The following KBTBD7 variants were observed in gnomAD, a reference collection of about 807,000 sequenced individuals.
The protein encoded by KBTBD7 is kelch repeat and BTB domain-containing protein 7.
Under a neutral mutation model 50.3 loss-of-function variants are expected in KBTBD7, and 25 were observed. That is an observed-to-expected ratio of 0.50 (90% CI 0.36 to 0.69). KBTBD7 has a LOEUF of 0.69. Ranked by LOEUF, KBTBD7 falls within the 30% of genes least tolerant of loss-of-function variation. KBTBD7 has a pLI of 0.00. For synonymous variants in KBTBD7, 305 were observed against 325.3 expected, an observed-to-expected ratio of 0.94 and a Z score of 0.67; for missense variants, 653 against 869.5, an observed-to-expected ratio of 0.75 and a Z score of 3.13.
chr13:41,192,099 C>G lies in KBTBD7; in HGVS notation c.*104G>C. On this transcript the variant is annotated 3_prime_UTR_variant, in exon 1 of 1. Transcript: ENST00000379483. ...TTTCAAAATATTACCCTTTCTAAAC[C>G]AAATCTGTGGTCCTAATCAACTTTT... 3 of 1,160,852 alleles carry G rather than the reference C, an allele frequency of 2.6e-6. No homozygotes were observed. Among genetic ancestry groups the G allele is most frequent in the Non-Finnish European group, 3.7e-6 (3 of 811,620 alleles). The allele number at this position is 1,160,852 out of a possible 1,614,324, so 71.9% of individuals were successfully genotyped here. A position where few individuals can be genotyped will look rare whatever the true frequency, so the allele number is the denominator to read the frequency against.
chr13:41,193,983 G>A lies in KBTBD7; in HGVS notation c.275C>T (p.Ala92Val). 1.9e-6 allele frequency: 3 copies of A among 1,614,128 alleles called. No homozygotes were observed. Among genetic ancestry groups the A allele is most frequent in the South Asian group, 2.2e-5 (2 of 91,086 alleles). ...GAACATGCTCTTGAAGTAGGGACAC[G>A]CAGCTGCTAGCACGTTGCGATTGCA... Reference protein sequence around the residue: ...FSCNRNVLAAACPYFKSMFTG... With the variant: ...FSCNRNVLAAVCPYFKSMFTG... Residue 92 changes from alanine (A) to valine (V), a missense_variant, in exon 1 of 1, where the codon GCG (alanine) becomes GTG (valine). Around this residue, in one of 3 missense-constraint regions of KBTBD7, gnomAD observed 8 missense variants for 27.4 expected, o/e 0.29. Coordinates refer to ENST00000379483, the MANE Select transcript of KBTBD7 (RefSeq NM_032138.7). This position sits in a 1 kb window ranked among gnomAD's most constrained non-coding sequence, Gnocchi z 5.7.
chr13:41,194,160 A>G lies in KBTBD7; in HGVS notation c.98T>C (p.Phe33Ser), dbSNP rs1218402704. Residue 33 changes from phenylalanine (F) to serine (S), a missense_variant, in exon 1 of 1, where the codon TTT (phenylalanine) becomes TCT (serine). Physicochemically the swap from Phe to Ser is radical, Grantham distance 155. Coordinates refer to ENST00000379483, the MANE Select transcript of KBTBD7 (RefSeq NM_032138.7). ...CTTTAACTCCTCTGGACCCGTGAAA[A>G]AGGCCGAAACCGAGGGCTTGGAAAT... is the stretch of plus-strand genomic sequence containing the variant. ...KRISKPSVSAFFTGPEELKDT... is the reference protein window; with the variant it reads ...KRISKPSVSASFTGPEELKDT... 14 of 1,614,046 alleles carry G rather than the reference A, an allele frequency of 8.7e-6. No individual in the cohort carries two copies. Among genetic ancestry groups the G allele is most frequent in the Non-Finnish European group, 1.1e-5 (13 of 1,180,044 alleles).
Position 41,194,269 on chromosome 13 carries a change from C to T in KBTBD7, c.-12G>A. 5 of 1,607,854 alleles carry T rather than the reference C, an allele frequency of 3.1e-6. No homozygotes were observed. Among genetic ancestry groups the T allele is most frequent in the Non-Finnish European group, 4.3e-6 (5 of 1,176,142 alleles). On this transcript the variant is annotated 5_prime_UTR_variant, in exon 1 of 1. Coordinates refer to ENST00000379483, the MANE Select transcript of KBTBD7 (RefSeq NM_032138.7). ...TCCCGGGACTGCATGGTGGAGATGG[C>T]GACGGGCGCTGACGGCGAGAAAGGC...
In KBTBD7 at chr13:41,194,216, G is replaced by A; in HGVS notation, c.42C>T (p.Ala14=). 1 of 1,614,138 alleles carries A rather than the reference G, an allele frequency of 6.2e-7. No homozygotes were observed. The change falls in exon 1 of 1, where the codon GCC becomes GCT. Residue 14 remains alanine, a synonymous_variant. Coordinates refer to ENST00000379483, the MANE Select transcript of KBTBD7 (RefSeq NM_032138.7). ...REDVPRSRRL[A]SPRGGRRPKR... is the part of the protein sequence containing the mutation. ...TGGGCCGCCTCCCACCACGGGGACT[G>A]GCGAGGCGGCGAGAGCGCGGGACGT...
In KBTBD7 at chr13:41,194,018, G is replaced by C. The variant is rs148957900; in HGVS notation, c.240C>G (p.Arg80=). Residue 80 remains arginine (R), a synonymous_variant, in exon 1 of 1, where the codon CGC becomes CGG. Transcript: ENST00000379483. ...GCACGTTGCGATTGCAGGAAAAGAG[G>C]CGACCCGTGCCAGGCCCGCTGCCAG... ...VTPGSGPGTG[R]LFSCNRNVLA... The C allele has an allele frequency of 4.3e-6, 7 of 1,614,108 alleles. No homozygotes were observed. Among genetic ancestry groups the C allele is most frequent in the Non-Finnish European group, 5.9e-6 (7 of 1,180,052 alleles).
Position 41,193,286 on chromosome 13 carries a change from G to GCTGCTGCTA in KBTBD7, c.963_971dup (p.Ser322_Ser324dup), listed in dbSNP as rs1163004504. ...TTTCTGCTGCAGATACAAGAGAGTT[G>GCTGCTGCTA]CTGCTGCTACTGCTGCTGCTGCTGT... On this transcript the variant is annotated inframe_insertion, in exon 1 of 1. Coordinates refer to ENST00000379483, the MANE Select transcript of KBTBD7 (RefSeq NM_032138.7). The surrounding 1 kb of genome is among the most constrained non-coding windows in gnomAD (Gnocchi z 5.7). 6.2e-7 allele frequency: 1 copy of GCTGCTGCTA among 1,612,192 alleles called. No homozygotes were observed. The highest frequency in any genetic ancestry group is 1.3e-5 in the African/African-American group (1 of 74,866).
Position 41,190,717 on chromosome 13 carries a change from A to G in KBTBD7, c.*1486T>C, listed in dbSNP as rs528058952. The G allele has an allele frequency of 6.6e-6, 1 of 152,276 alleles. No individual in the cohort carries two copies. Among genetic ancestry groups the G allele is most frequent in the South Asian group, 2.1e-4 (1 of 4,830 alleles). 9.4% of individuals were successfully genotyped at this position (152,276 alleles called of 1,614,324 possible). ...AAGCACCTATATTTTCTTGTAATTA[A>G]CAATTTTAGTTTTGTGCAATGTAGT... On this transcript the variant is annotated 3_prime_UTR_variant, in exon 1 of 1. Coordinates refer to ENST00000379483, the MANE Select transcript of KBTBD7 (RefSeq NM_032138.7).
chr13:41,193,379 G>A lies in KBTBD7; in HGVS notation c.879C>T (p.Asp293=), dbSNP rs756285920. 24 of 1,613,140 alleles carry A rather than the reference G, an allele frequency of 1.5e-5. No homozygotes were observed. The highest frequency in any genetic ancestry group is 1.9e-5 in the Non-Finnish European group (22 of 1,179,294). Residue 293 remains aspartate, a synonymous_variant, in exon 1 of 1, where the codon GAC becomes GAT. Coordinates refer to ENST00000379483, the MANE Select transcript of KBTBD7 (RefSeq NM_032138.7). This position sits in a 1 kb window ranked among gnomAD's most constrained non-coding sequence, Gnocchi z 5.7. ...GCATCTGCAGGGCCCCTTCAATAACGTCCAGGCAGTACTTCTTCACGATGG... is the reference window on the plus strand; with the variant it reads ...GCATCTGCAGGGCCCCTTCAATAACATCCAGGCAGTACTTCTTCACGATGG... The part of the protein sequence containing the change: ...TKPIVKKYCL[D]VIEGALQMRY...
At position 41,190,149 on chromosome 13, in the gene KBTBD7, C is replaced by T. The variant is rs959762841; in HGVS notation, c.*2054G>A. Reference sequence around the variant, plus strand: ...TCAATTTTTACAAAACAAAAAGCTACCAACAAGAAGTTAATGGTGAAGAAA... The same window carrying T: ...TCAATTTTTACAAAACAAAAAGCTATCAACAAGAAGTTAATGGTGAAGAAA... On this transcript the variant is annotated 3_prime_UTR_variant, in exon 1 of 1. Transcript: ENST00000379483. 11 of 152,062 alleles carry T rather than the reference C, an allele frequency of 7.2e-5. No individual in the cohort carries two copies. The highest frequency in any genetic ancestry group is 2.4e-4 in the African/African-American group (10 of 41,410). The allele number at this position is 152,062 out of a possible 1,614,324, so 9.4% of individuals were successfully genotyped here. A position where few individuals can be genotyped will look rare whatever the true frequency, so the allele number is the denominator to read the frequency against.
chr13:41,192,301 C>A lies in KBTBD7; in HGVS notation c.1957G>T (p.Asp653Tyr). The change falls in exon 1 of 1, where the codon GAC (aspartate) becomes TAC (tyrosine). Residue 653 changes from aspartate (D) to tyrosine (Y), a missense_variant. By Grantham distance (160) the Asp-to-Tyr change is radical (BLOSUM62 -3). Transcript: ENST00000379483. ...EWDLDGFSEL[D>Y]SESGSSSSFS... The stretch of plus-strand genomic sequence containing the variant: ...GAACTTGAACTTCCTGACTCAGAGT[C>A]CAGCTCACTGAATCCATCTAAGTCC... 2 of 1,614,156 alleles carry A rather than the reference C, an allele frequency of 1.2e-6. No homozygotes were observed. Among genetic ancestry groups the A allele is most frequent in the Non-Finnish European group, 1.7e-6 (2 of 1,180,000 alleles).
Position 41,194,545 on chromosome 13 carries a change from C to T in KBTBD7, c.-288G>A, listed in dbSNP as rs1036774597. ...AGCCCCCACTGCCGCGCTGGCGATC[C>T]CGCTAGGCGCCCGGGAGAACTACTG... On this transcript the variant is annotated 5_prime_UTR_variant, in exon 1 of 1. Coordinates refer to ENST00000379483, the MANE Select transcript of KBTBD7 (RefSeq NM_032138.7). 1.7e-5 allele frequency: 9 copies of T among 514,454 alleles called. No homozygotes were observed. The highest frequency in any genetic ancestry group is 5.3e-5 in the South Asian group (2 of 37,478). 31.9% of individuals were successfully genotyped at this position (514,454 alleles called of 1,614,324 possible).
Position 41,192,169 on chromosome 13 carries a change from G to T in KBTBD7, c.*34C>A. On this transcript the variant is annotated 3_prime_UTR_variant, in exon 1 of 1. Coordinates refer to ENST00000379483, the MANE Select transcript of KBTBD7 (RefSeq NM_032138.7). ...ATATGTGTTTAAAATACATTCCGTA[G>T]CAGTAGAAACATCTTAGTGTCTCAA... The T allele has an allele frequency of 6.4e-7, 1 of 1,556,994 alleles. No individual in the cohort carries two copies. Among genetic ancestry groups the T allele is most frequent in the Non-Finnish European group, 8.7e-7 (1 of 1,151,270 alleles).
chr13:41,192,071 G>A lies in KBTBD7; in HGVS notation c.*132C>T, dbSNP rs2031401919. Reference sequence around the variant, plus strand: ...TTTCATGGACTGTCTAAACCTTGTAGTATTTCAAAATATTACCCTTTCTAA... The same window carrying A: ...TTTCATGGACTGTCTAAACCTTGTAATATTTCAAAATATTACCCTTTCTAA... On this transcript the variant is annotated 3_prime_UTR_variant, in exon 1 of 1. Coordinates refer to ENST00000379483, the MANE Select transcript of KBTBD7 (RefSeq NM_032138.7). The A allele has an allele frequency of 2.5e-6, 2 of 803,544 alleles. No individual in the cohort carries two copies. The highest frequency in any genetic ancestry group is 4.1e-6 in the Non-Finnish European group (2 of 491,664). The allele number at this position is 803,544 out of a possible 1,614,324, so 49.8% of individuals were successfully genotyped here. A position where few individuals can be genotyped will look rare whatever the true frequency, so the allele number is the denominator to read the frequency against.
rs1216134564 is a variant in KBTBD7, at chr13:41,191,545, ATTT to A, written c.*655_*657del. ...TTTCTTTTAAAACAGTGGAATCCTG[ATTT>A]TTTCTTTTTTTTTTTTTTTTTTTTT... On this transcript the variant is annotated 3_prime_UTR_variant, in exon 1 of 1. Transcript: ENST00000379483. The A allele has an allele frequency of 1.6e-3, 105 of 67,412 alleles. No homozygotes were observed. The highest frequency in any genetic ancestry group is 3.5e-3 in the African/African-American group (99 of 28,564). 4.2% of individuals were successfully genotyped at this position (67,412 alleles called of 1,614,324 possible). A position where few individuals can be genotyped will look rare whatever the true frequency, so the allele number is the denominator to read the frequency against.
In KBTBD7 at chr13:41,191,865, A is replaced by G. The variant is rs1185546492; in HGVS notation, c.*338T>C. 5.4e-6 allele frequency: 1 copy of G among 184,084 alleles called. No homozygotes were observed. The highest frequency in any genetic ancestry group is 1.1e-5 in the Non-Finnish European group (1 of 89,280). The allele number at this position is 184,084 out of a possible 1,614,324, so 11.4% of individuals were successfully genotyped here. A position where few individuals can be genotyped will look rare whatever the true frequency, so the allele number is the denominator to read the frequency against. On this transcript the variant is annotated 3_prime_UTR_variant, in exon 1 of 1. Coordinates refer to ENST00000379483, the MANE Select transcript of KBTBD7 (RefSeq NM_032138.7). ...TCCTTGTGGCACTAACCAAAACTTA[A>G]AAATTAACAGAAGACTGAATTAATT...
In KBTBD7 at chr13:41,193,709, G is replaced by A. The variant is rs752801383; in HGVS notation, c.549C>T (p.Phe183=). The change falls in exon 1 of 1, where the codon TTC becomes TTT. Residue 183 remains phenylalanine, a synonymous_variant. Coordinates refer to ENST00000379483, the MANE Select transcript of KBTBD7 (RefSeq NM_032138.7). This position sits in a 1 kb window ranked among gnomAD's most constrained non-coding sequence, Gnocchi z 5.7. ...CCTGAGATCGAAGCTTGTGATGGTC[G>A]AAGGCGTCTGCAAACTTGAGGATGG... ...CTAILKFADA[F]DHHKLRSQAQ... 1.1e-5 allele frequency: 18 copies of A among 1,614,218 alleles called. No homozygotes were observed. The highest frequency in any genetic ancestry group is 3.3e-5 in the Admixed American group (2 of 60,026).
chr13:41,194,104 G>C lies in KBTBD7; in HGVS notation c.154C>G (p.Gln52Glu). Residue 52 changes from glutamine (Q) to glutamate (E), a missense_variant, in exon 1 of 1, where the codon CAG (glutamine) becomes GAG (glutamate). By Grantham distance (29) the Gln-to-Glu change is conservative. Around this residue, in one of 3 missense-constraint regions of KBTBD7, gnomAD observed 119 missense variants for 125.0 expected, o/e 0.95. Coordinates refer to ENST00000379483, the MANE Select transcript of KBTBD7 (RefSeq NM_032138.7). Reference protein sequence around the residue: ...DTAHSAALLAQLKSFYDARLL... With the variant: ...DTAHSAALLAELKSFYDARLL... ...CGCGCGTCGTAGAAGGACTTGAGCT[G>C]TGCCAGCAGGGCTGCAGAATGGGCC... The C allele has an allele frequency of 6.2e-7, 1 of 1,614,218 alleles. No homozygotes were observed. The highest frequency in any genetic ancestry group is 8.5e-7 in the Non-Finnish European group (1 of 1,180,044).
At position 41,193,496 on chromosome 13, in the gene KBTBD7, C is replaced by A; in HGVS notation, c.762G>T (p.Arg254=). ...VQWLEAAAKE[R]GPSAAEVFKC... ...TGAAGACTTCTGCAGCACTGGGACCCCGCTCTTTGGCAGCAGCCTCCAGCC... is the reference window on the plus strand; with the variant it reads ...TGAAGACTTCTGCAGCACTGGGACCACGCTCTTTGGCAGCAGCCTCCAGCC... The change falls in exon 1 of 1, where the codon CGG becomes CGT. Residue 254 remains arginine (R), a synonymous_variant. Transcript: ENST00000379483. This position sits in a 1 kb window ranked among gnomAD's most constrained non-coding sequence, Gnocchi z 5.7. The A allele has an allele frequency of 6.2e-7, 1 of 1,614,204 alleles. No homozygotes were observed. Among genetic ancestry groups the A allele is most frequent in the South Asian group, 1.1e-5 (1 of 91,084 alleles).
chr13:41,194,138 T>C lies in KBTBD7; in HGVS notation c.120A>G (p.Leu40=), dbSNP rs1271291836. The change falls in exon 1 of 1, where the codon TTA becomes TTG. Residue 40 remains leucine, a synonymous_variant. Transcript: ENST00000379483. ...GGGCTGCAGAATGGGCCGTGTCCTT[T>C]AACTCCTCTGGACCCGTGAAAAAGG... ...VSAFFTGPEE[L]KDTAHSAALL... 14 of 1,614,156 alleles carry C rather than the reference T, an allele frequency of 8.7e-6. No individual in the cohort carries two copies. The East Asian group carries it at 2.9e-4, about 33-fold the overall frequency.
Sources: allele counts gnomAD v4.1 joint callset, GRCh38; gene constraint gnomAD v4.1.1; regional missense constraint gnomAD v4.1.1; non-coding constraint Gnocchi (gnomAD v3.1); transcripts MANE v1.5; gene names NCBI Gene and HGNC (gene_info 2026-07-23, HGNC 2026-07-21).